Variants in IL1RAPL1 observed in about 807,000 individuals in gnomAD.
IL1RAPL1 encodes interleukin-1 receptor accessory protein-like 1.
A neutral mutation model predicts 48.4 loss-of-function variants in IL1RAPL1; 3 were observed. The ratio of observed to expected loss-of-function variants is 0.06; its 90% CI spans 0.03 to 0.16. The LOEUF is 0.16. Ranked by LOEUF, IL1RAPL1 falls within the 10% of genes least tolerant of loss-of-function variation. The probability of loss-of-function intolerance (pLI) is 1.00; values close to 1 mark genes in which losing one functional copy is unlikely to be tolerated. For synonymous variants in IL1RAPL1, 185 were observed against 187.7 expected, an observed-to-expected ratio of 0.99 and a Z score of 0.12; for missense variants, 349 against 530.6, an observed-to-expected ratio of 0.66 and a Z score of 3.36.
intron 1 of IL1RAPL1, among the ~76,000 whole-genome samples, chrX:28,695,326 C>T (rs1052306755): frequency 5.6e-4 from 62 of 110,705 alleles, no homozygotes; most frequent in African/African-American, 1.9e-3. Flanking sequence ...CTCCCCTGGC[C>T]ACATACTTAT....
chrX:28,754,965 C>A (rs1010661023), intron 1 of IL1RAPL1, among the ~76,000 whole-genome samples: 2 of 111,563 alleles, frequency 1.8e-5, no homozygotes, highest in African/African-American at 6.5e-5. Flanking sequence ...TAAATATCTG[C>A]ACAAATAAAA....
chrX:28,832,629 C>T (rs760207754), intron 2 of IL1RAPL1, among the ~76,000 whole-genome samples: 1 of 110,288 alleles, frequency 9.1e-6, no homozygotes, highest in South Asian at 3.8e-4. Context: ...AGTTTTATTA[C>T]AGTAAACTTT....
intron 2 of IL1RAPL1, among the ~76,000 whole-genome samples, chrX:28,908,103 AT>A (rs933921421): frequency 6.3e-5 from 7 of 110,555 alleles, no homozygotes; most frequent in African/African-American, 2.3e-4. Flanking sequence ...TGTCTCTCTC[AT>A]TTTTTCTTGG....
At chrX:29,030,517 C>G (rs1926593185) in intron 2 of IL1RAPL1, among the ~76,000 whole-genome samples, 1 of 110,640 alleles carries the variant, frequency 9.0e-6, no homozygotes, top group Non-Finnish European at 1.9e-5. Context: ...TATGTTTTAC[C>G]TTTTACAAGA....
chrX:28,747,384 C>T (rs1350118482), intron 1 of IL1RAPL1, among the ~76,000 whole-genome samples: 2 of 111,588 alleles, frequency 1.8e-5, no homozygotes, highest in Non-Finnish European at 3.8e-5. Context: ...GCCTGTAATC[C>T]CAACACTTTA....
At chrX:29,248,818 C>T (rs1398020396) in intron 2 of IL1RAPL1, among the ~76,000 whole-genome samples, 1 of 111,777 alleles carries the variant, frequency 8.9e-6, no homozygotes, top group Non-Finnish European at 1.9e-5. Flanking sequence ...TATGGTCATT[C>T]ATGCCATCTC....
At chrX:29,797,486 T>C (rs758195783) in intron 6 of IL1RAPL1, among the ~76,000 whole-genome samples, 2 of 112,108 alleles carry the variant, frequency 1.8e-5, no homozygotes, top group Non-Finnish European at 3.8e-5. Flanking sequence ...GGCCCCCTCA[T>C]CCTTCTGTTT....
intron 1 of IL1RAPL1, among the ~76,000 whole-genome samples, chrX:28,751,299 A>C (rs923259254): frequency 9.0e-6 from 1 of 111,251 alleles, no homozygotes; most frequent in African/African-American, 3.3e-5. Flanking sequence ...TCTTCTTTGC[A>C]TGTATGTTTA....
intron 2 of IL1RAPL1, among the ~76,000 whole-genome samples, chrX:29,165,712 C>T (rs368677049): frequency 6.3e-5 from 7 of 111,802 alleles, no homozygotes; most frequent in African/African-American, 9.7e-5. Flanking sequence ...ATTTCTCTTA[C>T]GCTGTGCTAT....
intron 1 of IL1RAPL1, among the ~76,000 whole-genome samples, chrX:28,754,018 A>G (rs1468997558): frequency 1.9e-5 from 2 of 107,220 alleles, no homozygotes; most frequent in Non-Finnish European, 3.8e-5. Context: ...CTTATCAGCT[A>G]TCATCAGCTA....
intron 1 of IL1RAPL1, among the ~76,000 whole-genome samples, chrX:28,639,338 T>A (rs180789126): frequency 8.9e-6 from 1 of 112,121 alleles, no homozygotes; most frequent in East Asian, 2.8e-4. Context: ...ATAATTTGAA[T>A]TTAACTGGAA....
At chrX:29,065,690 G>C (rs997965108) in intron 2 of IL1RAPL1, among the ~76,000 whole-genome samples, 4 of 111,645 alleles carry the variant, frequency 3.6e-5, no homozygotes, top group Non-Finnish European at 7.5e-5. Context: ...CTTTCTGTGA[G>C]GCTCTGTTAA....
chrX:29,922,782 A>T (rs1275127515), intron 8 of IL1RAPL1, among the ~76,000 whole-genome samples: 1 of 112,200 alleles, frequency 8.9e-6, no homozygotes, highest in Admixed American at 9.5e-5. Context: ...GTGAGTTGCT[A>T]TATTACTCAG....
chrX:28,906,839 A>T (rs867839481), intron 2 of IL1RAPL1, among the ~76,000 whole-genome samples: 7 of 112,141 alleles, frequency 6.2e-5, no homozygotes, highest in Non-Finnish European at 1.1e-4. Flanking sequence ...ACGTAAGTCT[A>T]ATATATCCAG....
At chrX:29,509,811 C>T (rs184025681) in intron 5 of IL1RAPL1, among the ~76,000 whole-genome samples, 328 of 111,985 alleles carry the variant, frequency 2.9e-3, no homozygotes, top group Non-Finnish European at 5.1e-3. Flanking sequence ...TCATTAATTC[C>T]GCTAGGTTAA....
intron 1 of IL1RAPL1, among the ~76,000 whole-genome samples, chrX:28,713,960 T>C (rs1471909410): frequency 8.9e-6 from 1 of 112,198 alleles, no homozygotes; most frequent in Non-Finnish European, 1.9e-5. Flanking sequence ...ATCGTTTTAA[T>C]AGACATGTCT....
chrX:29,020,910 T>A (rs769310728), intron 2 of IL1RAPL1, among the ~76,000 whole-genome samples: 12 of 112,222 alleles, frequency 1.1e-4, no homozygotes, highest in African/African-American at 3.2e-4. Context: ...TCATTTTCTT[T>A]CTTAATTTGT....
At chrX:29,855,545 G>A (rs1191035575) in intron 6 of IL1RAPL1, among the ~76,000 whole-genome samples, 1 of 111,248 alleles carries the variant, frequency 9.0e-6, no homozygotes, top group African/African-American at 3.3e-5. Context: ...CCAACATTCT[G>A]GTTTGAATAA....
intron 6 of IL1RAPL1, among the ~76,000 whole-genome samples, chrX:29,825,018 CA>C (rs1930704877): frequency 9.1e-6 from 1 of 110,381 alleles, no homozygotes. Context: ...TCCACTAAAA[CA>C]GTAAAATTCC....
Sources: allele counts gnomAD v4.1 joint callset (sites outside exome capture counted in the v4.1 genomes callset), GRCh38; gene constraint gnomAD v4.1.1; transcripts MANE v1.5; gene names NCBI Gene and HGNC (gene_info 2026-07-23, HGNC 2026-07-21).